MAP3K5: variants seen among roughly 807,000 people sequenced by gnomAD.
MAP3K5 encodes mitogen-activated protein kinase kinase kinase 5, also known as ASK-1.
A neutral mutation model predicts 158.7 loss-of-function variants in MAP3K5; 56 were observed. The observed-to-expected ratio is 0.35, with a 90% CI of 0.28 to 0.44. MAP3K5 has a LOEUF of 0.44. MAP3K5 is among the 20% of genes least tolerant of loss of function. The pLI, the probability that MAP3K5 is intolerant of heterozygous loss-of-function variation, is 1.00. For synonymous variants in MAP3K5, 579 were observed against 601.7 expected, an observed-to-expected ratio of 0.96 and a Z score of 0.55; for missense variants, 1,294 against 1,674.8, an observed-to-expected ratio of 0.77 and a Z score of 3.97.
chr6:136,716,077 A>AG (rs1447271906), intron 2 of MAP3K5, among the ~76,000 whole-genome samples: 1 of 142,152 alleles, frequency 7.0e-6, no homozygotes, highest in Admixed American at 7.2e-5. Context: ...TTACAGCTGA[A>AG]GGTATCTATT....
At chr6:136,616,300 CTTTTTTT>C (rs537263288) in intron 15 of MAP3K5, among the ~76,000 whole-genome samples, 2 of 122,688 alleles carry the variant, frequency 1.6e-5, no homozygotes, top group East Asian at 2.6e-4. Context: ...ACCTGCTCCT[CTTTTTTT>C]TTTTTTTTTT....
intron 12 of MAP3K5, among the ~76,000 whole-genome samples, chr6:136,642,029 T>TAA (rs57510158): frequency 1.0e-5 from 1 of 99,312 alleles, no homozygotes; most frequent in Admixed American, 9.9e-5. Context: ...TAAAATAAAA[T>TAA]AAAAATAAAA....
intron 26 of MAP3K5, among the ~76,000 whole-genome samples, chr6:136,565,902 C>T (rs1180222418): frequency 2.0e-5 from 3 of 152,200 alleles, no homozygotes; most frequent in Non-Finnish European, 4.4e-5. Flanking sequence ...GTAGATTTCA[C>T]AGACTCAAAT....
chr6:136,706,103 C>A (rs1440517189), intron 2 of MAP3K5, among the ~76,000 whole-genome samples: 1 of 152,010 alleles, frequency 6.6e-6, no homozygotes, highest in Non-Finnish European at 1.5e-5. Context: ...ACTAACAATA[C>A]AAAAATTAGC....
intron 1 of MAP3K5, among the ~76,000 whole-genome samples, chr6:136,733,956 G>T (rs1323073117): frequency 3.3e-5 from 5 of 152,000 alleles, no homozygotes; most frequent in African/African-American, 1.2e-4. Context: ...AAAATCCTCT[G>T]CCCTAAAAAT....
At chr6:136,592,847 G>A (rs1775456881) in intron 21 of MAP3K5, 2 of 584,090 alleles carry the variant, frequency 3.4e-6, no homozygotes, top group Admixed American at 2.2e-5. Flanking sequence ...GGATATCTCT[G>A]GGGTACCAAA....
intron 10 of MAP3K5, among the ~76,000 whole-genome samples, chr6:136,651,741 A>G (rs1290302451): frequency 1.3e-5 from 2 of 152,166 alleles, no homozygotes; most frequent in Non-Finnish European, 2.9e-5. Context: ...ATTTGTTCCT[A>G]TTTTGAAGCT....
intron 23 of MAP3K5, among the ~76,000 whole-genome samples, chr6:136,585,473 CTTTATTTATTTA>C (rs554195273): frequency 0.022 from 2,944 of 135,142 alleles, 100 homozygotes; most frequent in Non-Finnish European, 0.029. Context: ...CTTTTCTTTT[CTTTATTTATTTA>C]TTTATTTATT....
chr6:136,559,265 T>A (rs1183274999), intron 28 of MAP3K5, among the ~76,000 whole-genome samples: 1 of 152,198 alleles, frequency 6.6e-6, no homozygotes, highest in African/African-American at 2.4e-5. Flanking sequence ...GGCAGGAGAA[T>A]CGCTTGAACC....
intron 3 of MAP3K5, among the ~76,000 whole-genome samples, chr6:136,699,067 C>A (rs965814460): frequency 2.6e-5 from 4 of 152,278 alleles, no homozygotes; most frequent in African/African-American, 9.6e-5. Flanking sequence ...TACAAGCTCA[C>A]ATTTGAAGGG....
At chr6:136,675,362 T>C (rs1179082920) in intron 7 of MAP3K5, among the ~76,000 whole-genome samples, 1 of 152,092 alleles carries the variant, frequency 6.6e-6, no homozygotes, top group East Asian at 1.9e-4. Context: ...CCTGGAACAC[T>C]ACACCTAACA....
At chr6:136,760,830 C>A (rs1055909495) in intron 1 of MAP3K5, among the ~76,000 whole-genome samples, 1 of 152,130 alleles carries the variant, frequency 6.6e-6, no homozygotes, top group African/African-American at 2.4e-5. Context: ...ATTAGCCAGG[C>A]ATGGTGGCAC....
In MAP3K5 at chr6:136,776,242, T is replaced by TTTTA. The variant is rs1022188845; in HGVS notation, c.448+15464_448+15467dup. 3.9e-5 allele frequency among the ~76,000 whole-genome samples: 6 copies of TTTTA among 152,280 alleles called. No individual in the cohort carries two copies. In the South Asian group the frequency reaches 1.2e-3, roughly 32 times the overall value. On this transcript the variant is annotated intron_variant, in intron 1 of 29. Transcript: ENST00000359015. ...TATGGTTTTGGGGTTGTCTTTTATT[T>TTTTA]TTTATTTATTTATTTATTTTTGAGA...
intron 14 of MAP3K5, chr6:136,636,718 G>T: frequency 1.7e-6 from 1 of 575,614 alleles, no homozygotes; most frequent in Non-Finnish European, 2.2e-6. Flanking sequence ...CGAGGTGGGA[G>T]GATTGCTTGA....
chr6:136,578,477 T>C (rs1583211383), intron 25 of MAP3K5, among the ~76,000 whole-genome samples: 1 of 152,058 alleles, frequency 6.6e-6, no homozygotes, highest in Non-Finnish European at 1.5e-5. Flanking sequence ...GCCATTAAAC[T>C]AGAAACAAAA....
intron 6 of MAP3K5, among the ~76,000 whole-genome samples, chr6:136,695,201 G>A (rs1004492466): frequency 2.6e-5 from 4 of 152,108 alleles, no homozygotes; most frequent in Non-Finnish European, 5.9e-5. Context: ...GCAGTGGCAT[G>A]ATCTTGGCTC....
Position 136,609,136 on chromosome 6 carries a change from G to A in MAP3K5, c.2521+2146C>T, listed in dbSNP as rs575724277. Among the ~76,000 whole-genome samples, 4 of 152,316 alleles carry A rather than the reference G, an allele frequency of 2.6e-5. No homozygotes were observed. The East Asian group carries it at 5.8e-4, about 22-fold the overall frequency. The stretch of plus-strand genomic sequence containing the variant: ...CCAGATTAGTAGCAGAAGATACTGT[G>A]TTAACATCCTGTCCCACAAAGTGTG... On this transcript the variant is annotated intron_variant, in intron 18 of 29. Coordinates refer to ENST00000359015, the MANE Select transcript of MAP3K5 (RefSeq NM_005923.4). The surrounding 1 kb of genome is among the most constrained non-coding windows in gnomAD (Gnocchi z 4.4).
chr6:136,775,088 GAATA>G (rs1467429650), intron 1 of MAP3K5, among the ~76,000 whole-genome samples: 1 of 151,942 alleles, frequency 6.6e-6, no homozygotes, highest in East Asian at 1.9e-4. Flanking sequence ...TTTCAAGAGG[GAATA>G]GATAGGGCTG....
In MAP3K5 at chr6:136,697,351, C is replaced by T; in HGVS notation, c.843G>A (p.Arg281=). 1 of 1,613,250 alleles carries T rather than the reference C, an allele frequency of 6.2e-7. No individual in the cohort carries two copies. Residue 281 remains arginine, a synonymous_variant, in exon 5 of 30, where the codon AGG becomes AGA. Coordinates refer to ENST00000359015, the MANE Select transcript of MAP3K5 (RefSeq NM_005923.4). ...TACCAGTGTATAAATTACGAGCTTT[C>T]CTGATGTCATTGAGTATAGATTCCC... is the stretch of plus-strand genomic sequence containing the variant. ...YFRESILNDI[R]KARNLYTGKE... is the part of the protein sequence containing the mutation.
Sources: allele counts gnomAD v4.1 joint callset (sites outside exome capture counted in the v4.1 genomes callset), GRCh38; gene constraint gnomAD v4.1.1; non-coding constraint Gnocchi (gnomAD v3.1); transcripts MANE v1.5; gene names NCBI Gene and HGNC (gene_info 2026-07-23, HGNC 2026-07-21).